The following CACNA1C variants were observed in gnomAD, a reference collection of about 807,000 sequenced individuals.
CACNA1C encodes the protein voltage-dependent L-type calcium channel subunit alpha-1C.
In CACNA1C, 30 loss-of-function variants were observed where a neutral mutation model predicts 229.0. The observed-to-expected ratio is 0.13, with a 90% CI of 0.10 to 0.18. CACNA1C has a LOEUF of 0.18. Ranked by LOEUF, CACNA1C falls within the 10% of genes least tolerant of loss-of-function variation. CACNA1C has a pLI of 1.00. For synonymous variants in CACNA1C, 1,114 were observed against 1,132.5 expected, an observed-to-expected ratio of 0.98 and a Z score of 0.33; for missense variants, 1,658 against 2,845.0, an observed-to-expected ratio of 0.58 and a Z score of 9.49.
At chr12:2,548,790 T>C (rs2099888577) in intron 9 of CACNA1C, among the ~76,000 whole-genome samples, 1 of 152,128 alleles carries the variant, frequency 6.6e-6, no homozygotes, top group Non-Finnish European at 1.5e-5. Flanking sequence ...CCAGTAAAAG[T>C]GTTTCTTGGG....
chr12:2,255,746 C>A (rs1285046978), intron 3 of CACNA1C, among the ~76,000 whole-genome samples: 3 of 150,560 alleles, frequency 2.0e-5, no homozygotes, highest in Non-Finnish European at 4.4e-5. Context: ...GTGAGTTAAG[C>A]AATATGCTTG....
Position 2,181,172 on chromosome 12 carries a change from C to T in CACNA1C, c.477+60742C>T, listed in dbSNP as rs996950. Among the ~76,000 whole-genome samples the T allele has an allele frequency of 0.029, 4,344 of 152,198 alleles. 84 individuals are homozygous for T. The highest frequency in any genetic ancestry group is 0.042 in the South Asian group (202 of 4,812). ...GACAGGAGAGCCCAGTCCGTGACGG[C>T]GGTAACAATGATCATTACTACCTCT... On this transcript the variant is annotated intron_variant, in intron 3 of 46. Coordinates refer to ENST00000399655, the MANE Select transcript of CACNA1C (RefSeq NM_000719.7). This position sits in a 1 kb window ranked among gnomAD's most constrained non-coding sequence, Gnocchi z 4.0.
At chr12:2,188,170 G>A (rs577500355) in intron 3 of CACNA1C, among the ~76,000 whole-genome samples, 1 of 152,334 alleles carries the variant, frequency 6.6e-6, no homozygotes, top group East Asian at 1.9e-4. Context: ...TGAAGTCCCA[G>A]ACCCTCAGAT....
intron 3 of CACNA1C, among the ~76,000 whole-genome samples, chr12:2,438,328 G>T (rs1257228752): frequency 6.7e-6 from 1 of 148,718 alleles, no homozygotes; most frequent in Admixed American, 6.7e-5. Context: ...TGATGGTGGG[G>T]ATGGTGATGA....
rs573202537 is a variant in CACNA1C at position 2,348,171 on chromosome 12, T to C, written c.478-100805T>C. Among the ~76,000 whole-genome samples, 7 of 152,272 alleles carry C rather than the reference T, an allele frequency of 4.6e-5. No homozygotes were observed. In the South Asian group the frequency reaches 1.5e-3, roughly 32 times the overall value. On this transcript the variant is annotated intron_variant, in intron 3 of 46. Coordinates refer to ENST00000399655, the MANE Select transcript of CACNA1C (RefSeq NM_000719.7). This position sits in a 1 kb window ranked among gnomAD's most constrained non-coding sequence, Gnocchi z 4.7. ...AGCGTGGGGCTAGCTGCCAGTGGGA[T>C]GGCCCCAGCCGGAGGAGCTGGGCAG...
intron 3 of CACNA1C, among the ~76,000 whole-genome samples, chr12:2,291,471 G>A (rs1366071953): frequency 6.6e-6 from 1 of 152,208 alleles, no homozygotes; most frequent in East Asian, 1.9e-4. Context: ...AGGAAAGGAA[G>A]GTAACTAGTA....
intron 3 of CACNA1C, among the ~76,000 whole-genome samples, chr12:2,184,984 G>T (rs921871686): frequency 2.6e-5 from 4 of 152,182 alleles, no homozygotes; most frequent in East Asian, 1.9e-4. Context: ...TAATATTTTT[G>T]GGGGGACAGG....
At chr12:2,093,589 T>C (rs1359695701) in intron 1 of CACNA1C, among the ~76,000 whole-genome samples, 1 of 152,132 alleles carries the variant, frequency 6.6e-6, no homozygotes, top group African/African-American at 2.4e-5. Context: ...GACTGTGGGG[T>C]CATGTGGGGG....
chr12:2,167,837 C>T (rs2096300869), intron 3 of CACNA1C, among the ~76,000 whole-genome samples: 1 of 152,290 alleles, frequency 6.6e-6, no homozygotes, highest in Non-Finnish European at 1.5e-5. Context: ...GGGTTCTGCT[C>T]TCAAGCAAAA....
chr12:2,412,046 C>A (rs1352857893), intron 3 of CACNA1C, among the ~76,000 whole-genome samples: 2 of 152,056 alleles, frequency 1.3e-5, no homozygotes, highest in East Asian at 3.9e-4. Context: ...ACGCCCAAGA[C>A]CCCGGCTCCC....
At chr12:2,428,687 C>T (rs966547503) in intron 3 of CACNA1C, among the ~76,000 whole-genome samples, 20 of 152,180 alleles carry the variant, frequency 1.3e-4, no homozygotes, top group African/African-American at 4.1e-4. Context: ...AACTTGCAAC[C>T]CAATGAGATG....
intron 3 of CACNA1C, among the ~76,000 whole-genome samples, chr12:2,189,892 C>G (rs1401554283): frequency 6.6e-6 from 1 of 152,098 alleles, no homozygotes; most frequent in Non-Finnish European, 1.5e-5. Context: ...CGCAAGAGAA[C>G]AAAGGAGGTC....
At chr12:2,642,271 C>T (rs537263523) in intron 30 of CACNA1C, among the ~76,000 whole-genome samples, 2 of 152,168 alleles carry the variant, frequency 1.3e-5, no homozygotes, top group Non-Finnish European at 2.9e-5. Flanking sequence ...CCCTCAAATG[C>T]TCTTTCCTTT....
chr12:2,652,957 C>T (rs911125359), intron 32 of CACNA1C, among the ~76,000 whole-genome samples: 5 of 152,244 alleles, frequency 3.3e-5, no homozygotes, highest in Non-Finnish European at 5.9e-5. Context: ...GGCCTGATGG[C>T]GGCGCAGGCG....
intron 15 of CACNA1C, among the ~76,000 whole-genome samples, chr12:2,583,853 T>C (rs1013295115): frequency 1.3e-5 from 2 of 152,288 alleles, no homozygotes; most frequent in South Asian, 4.1e-4. Context: ...TGTGAAATGA[T>C]ATGAATGTCT....
chr12:2,193,190 C>T (rs1267396532), intron 3 of CACNA1C, among the ~76,000 whole-genome samples: 3 of 152,232 alleles, frequency 2.0e-5, no homozygotes, highest in Non-Finnish European at 2.9e-5. Flanking sequence ...TGCAGAGGCC[C>T]ATGCCTGAAA....
intron 3 of CACNA1C, among the ~76,000 whole-genome samples, chr12:2,434,245 C>T (rs1415725052): frequency 1.3e-5 from 2 of 152,292 alleles, no homozygotes; most frequent in African/African-American, 2.4e-5. Context: ...ACATACATCT[C>T]CACGGGGAGG....
intron 18 of CACNA1C, among the ~76,000 whole-genome samples, chr12:2,587,676 A>T (rs763831027): frequency 6.6e-6 from 1 of 152,140 alleles, no homozygotes; most frequent in Non-Finnish European, 1.5e-5. Flanking sequence ...GTAGCTACCC[A>T]GTGGCTCTGA....
intron 1 of CACNA1C, among the ~76,000 whole-genome samples, chr12:2,033,808 T>C (rs2048639475): frequency 6.6e-6 from 1 of 152,216 alleles, no homozygotes; most frequent in African/African-American, 2.4e-5. Flanking sequence ...AAAGTAAATG[T>C]AGGCACCGTG....
Sources: gnomAD v4.1 joint callset for allele counts (sites outside exome capture counted in the v4.1 genomes callset) on GRCh38, gnomAD v4.1.1 for gene constraint, Gnocchi (gnomAD v3.1) non-coding constraint, MANE v1.5 for transcripts, NCBI Gene and HGNC (gene_info 2026-07-23, HGNC 2026-07-21) for gene names.